The following SNAPC3 variants were observed in gnomAD, a reference collection of about 807,000 sequenced individuals.
SNAPC3 encodes the protein small nuclear RNA activating complex polypeptide 3, also known as snRNA-activating protein complex subunit 3.
A neutral mutation model predicts 47.7 loss-of-function variants in SNAPC3; 56 were observed. The ratio of observed to expected loss-of-function variants is 1.18; its 90% CI spans 0.95 to 1.47. The LOEUF is 1.47. SNAPC3 is among the 40% of genes most tolerant of loss of function. The probability of loss-of-function intolerance (pLI) is 0.00; values close to 1 mark genes in which losing one functional copy is unlikely to be tolerated. For missense variants in SNAPC3, 665 were observed against 511.3 expected (o/e 1.30, Z -2.90); for synonymous variants, 235 against 189.9 (o/e 1.24, Z -1.95).
downstream of SNAPC3, chr9:15,465,211 TCTA>T (rs1183542172): frequency 1.8e-5 from 5 of 273,662 alleles, no homozygotes; most frequent in South Asian, 1.4e-4. Flanking sequence ...GTAACTTTGT[TCTA>T]CTATCAATTA....
At chr9:15,427,870 AAAACTT>A (rs2031631596) in intron 2 of SNAPC3, among the ~76,000 whole-genome samples, 1 of 152,144 alleles carries the variant, frequency 6.6e-6, no homozygotes, top group Non-Finnish European at 1.5e-5. Context: ...ATTTTTTAAA[AAAACTT>A]AAACAGGGTG....
Position 15,447,221 on chromosome 9 carries a change from C to T in SNAPC3, c.709C>T (p.Gln237Ter). 1 of 1,614,094 alleles carries T rather than the reference C, an allele frequency of 6.2e-7. No individual in the cohort carries two copies. Among genetic ancestry groups the T allele is most frequent in the East Asian group, 2.2e-5 (1 of 44,874 alleles). The change falls in exon 5 of 9, where the codon CAA (glutamine) becomes TAA (stop). Residue 237 changes from glutamine to a stop codon, truncating the protein, a stop_gained. Transcript: ENST00000380821. LOFTEE classifies it high-confidence loss of function. Reference sequence around the variant, plus strand: ...TGGTGAATTCAGCAACACTCCTGACCAAGCCCCTGAGCACATCAGCAAAGT... The same window carrying T: ...TGGTGAATTCAGCAACACTCCTGACTAAGCCCCTGAGCACATCAGCAAAGT... Reference protein sequence around the residue: ...IGGEFSNTPDQAPEHISKDLY... With the variant: ...IGGEFSNTPD
At position 15,427,496 on chromosome 9, in the gene SNAPC3, G is replaced by A. The variant is rs139204519; in HGVS notation, c.392+3510G>A. Among the ~76,000 whole-genome samples, 556 of 152,218 alleles carry A rather than the reference G, an allele frequency of 3.7e-3. 1 individual carries two copies. The highest frequency in any genetic ancestry group is 0.013 in the African/African-American group (546 of 41,522). ...CCCAAGTAGCTGGGATTACTGGCGT[G>A]TGCCACCATGCCTGGCTAATTTTTT... On this transcript the variant is annotated intron_variant, in intron 2 of 8. Transcript: ENST00000380821.
intron 2 of SNAPC3, 36 bp downstream of exon 2, chr9:15,424,022 A>C: frequency 1.6e-6 from 2 of 1,233,520 alleles, no homozygotes; most frequent in Non-Finnish European, 2.3e-6. Flanking sequence ...CTATTTATTT[A>C]AACATTTTTT....
intron 3 of SNAPC3, among the ~76,000 whole-genome samples, chr9:15,444,173 G>T (rs564253024): frequency 6.6e-6 from 1 of 152,186 alleles, no homozygotes; most frequent in African/African-American, 2.4e-5. Flanking sequence ...AAACAAATCC[G>T]TATTTGCGTC....
intron 2 of SNAPC3, among the ~76,000 whole-genome samples, chr9:15,425,039 C>T (rs1167935781): frequency 6.6e-6 from 1 of 152,188 alleles, no homozygotes; most frequent in Non-Finnish European, 1.5e-5. Context: ...TAAAAATGGT[C>T]TATGGCCCTA....
At chr9:15,452,693 TATA>T (rs2034482816) in intron 6 of SNAPC3, among the ~76,000 whole-genome samples, 1 of 152,248 alleles carries the variant, frequency 6.6e-6, no homozygotes, top group Non-Finnish European at 1.5e-5. Context: ...TATCACTATT[TATA>T]ATATTAAACA....
chr9:15,431,455 C>CT (rs1207047187), intron 2 of SNAPC3, among the ~76,000 whole-genome samples: 3 of 152,146 alleles, frequency 2.0e-5, no homozygotes, highest in African/African-American at 7.2e-5. Flanking sequence ...TTATTGAATC[C>CT]TTAACCTTTG....
In SNAPC3 at chr9:15,459,942, G is replaced by A. The variant is rs1470726804; in HGVS notation, c.*76G>A. The A allele has an allele frequency of 3.4e-5, 46 of 1,348,822 alleles. No individual in the cohort carries two copies. The highest frequency in any genetic ancestry group is 7.0e-5 in the East Asian group (3 of 43,000). The allele number at this position is 1,348,822 out of a possible 1,614,324, so 83.6% of individuals were successfully genotyped here. ...GATGGTTACCTTATTTCTAAGAAAC[G>A]CCACTGAGGAACAGGATCCACTTTG... On this transcript the variant is annotated 3_prime_UTR_variant, in exon 9 of 9. Transcript: ENST00000380821.
chr9:15,450,299 G>A (rs2034291483), intron 5 of SNAPC3, among the ~76,000 whole-genome samples: 1 of 152,118 alleles, frequency 6.6e-6, no homozygotes, highest in African/African-American at 2.4e-5. Flanking sequence ...AGTGTCTGAT[G>A]CGAACACAAG....
downstream of SNAPC3, chr9:15,462,723 T>TA (rs1563858721): frequency 6.6e-6 from 1 of 152,236 alleles, no homozygotes; most frequent in Non-Finnish European, 1.5e-5. Flanking sequence ...TTAGACATTC[T>TA]AGTTTTACTA....
intron 4 of SNAPC3, among the ~76,000 whole-genome samples, chr9:15,446,550 T>C (rs2033946214): frequency 6.6e-6 from 1 of 152,118 alleles, no homozygotes; most frequent in Non-Finnish European, 1.5e-5. Flanking sequence ...AGTGATGACA[T>C]GGAGAGGCTA....
At chr9:15,455,139 C>T (rs576121197) in intron 7 of SNAPC3, among the ~76,000 whole-genome samples, 1 of 152,128 alleles carries the variant, frequency 6.6e-6, no homozygotes, top group Admixed American at 6.5e-5. Flanking sequence ...TCTAAACAAA[C>T]AATTAAGAAT....
intron 2 of SNAPC3, among the ~76,000 whole-genome samples, chr9:15,427,960 C>G (rs2031644107): frequency 6.6e-6 from 1 of 151,696 alleles, no homozygotes; most frequent in African/African-American, 2.4e-5. Context: ...AAAATACAAA[C>G]ATTAGCTGGG....
Position 15,451,408 on chromosome 9 carries a change from G to A in SNAPC3, c.815+6G>A, listed in dbSNP as rs770801000. 3 of 1,417,954 alleles carry A rather than the reference G, an allele frequency of 2.1e-6. No individual in the cohort carries two copies. Among genetic ancestry groups the A allele is most frequent in the South Asian group, 2.7e-5 (2 of 73,562 alleles). 87.8% of individuals were successfully genotyped at this position (1,417,954 alleles called of 1,614,324 possible). On this transcript the variant is annotated splice_donor_region_variant and intron_variant, in intron 6 of 8. Transcript: ENST00000380821. ...GAATGCAGAGATTTGAGCAGGTATA[G>A]TTTCCAAAAATCTTCTCAAAGTCTT...
At chr9:15,453,778 T>G (rs2034568785) in intron 7 of SNAPC3, among the ~76,000 whole-genome samples, 1 of 152,176 alleles carries the variant, frequency 6.6e-6, no homozygotes, top group African/African-American at 2.4e-5. Flanking sequence ...AAATCACAGT[T>G]TAAGAAGGAA....
chr9:15,427,117 G>A lies in SNAPC3; in HGVS notation c.392+3131G>A, dbSNP rs185413261. On this transcript the variant is annotated intron_variant, in intron 2 of 8. Transcript: ENST00000380821. ...TTTCCCACATCAAATGAAAGAGCTC[G>A]TTTTATGCATATAAGGGACCAAAGG... Among the ~76,000 whole-genome samples, 7 of 152,196 alleles carry A rather than the reference G, an allele frequency of 4.6e-5. No individual in the cohort carries two copies. The East Asian group carries it at 9.6e-4, about 21-fold the overall frequency.
At chr9:15,449,087 A>G (rs368620774) in intron 5 of SNAPC3, among the ~76,000 whole-genome samples, 110 of 152,218 alleles carry the variant, frequency 7.2e-4, no homozygotes, top group African/African-American at 2.4e-3. Flanking sequence ...TGGGATTACA[A>G]GGTGTGAGCC....
At chr9:15,450,009 T>C (rs1277196371) in intron 5 of SNAPC3, among the ~76,000 whole-genome samples, 2 of 152,216 alleles carry the variant, frequency 1.3e-5, no homozygotes, top group Admixed American at 1.3e-4. Flanking sequence ...AAAACACATA[T>C]ATATTAAACT....
Sources: gnomAD v4.1 joint callset for allele counts (sites outside exome capture counted in the v4.1 genomes callset) on GRCh38, gnomAD v4.1.1 for gene constraint, MANE v1.5 for transcripts, NCBI Gene and HGNC (gene_info 2026-07-23, HGNC 2026-07-21) for gene names.